DPP6: variants seen among roughly 807,000 people sequenced by gnomAD.
The protein encoded by DPP6 is dipeptidyl peptidase like 6, also known as A-type potassium channel modulatory protein DPP6.
In DPP6, 69 loss-of-function variants were observed where a neutral mutation model predicts 122.6. That is an observed-to-expected ratio of 0.56 (90% CI 0.46 to 0.69). The LOEUF (loss-of-function observed/expected upper bound fraction) is 0.69, where lower values mean the gene tolerates loss of function less well. Ranked by LOEUF, DPP6 falls within the 30% of genes least tolerant of loss-of-function variation. The pLI is 0.00. For synonymous variants in DPP6, 418 were observed against 433.1 expected (o/e 0.97, Z 0.43); for missense variants, 928 against 1,116.9 (o/e 0.83, Z 2.41).
chr7:154,019,373 C>A (rs1425203887), intron 1 of DPP6, among the ~76,000 whole-genome samples: 2 of 150,712 alleles, frequency 1.3e-5, no homozygotes, highest in African/African-American at 5.0e-5. Flanking sequence ...TCTCTCTTCT[C>A]TTTCTATTTC....
chr7:154,021,352 T>C (rs1017489673), intron 1 of DPP6, among the ~76,000 whole-genome samples: 5 of 152,100 alleles, frequency 3.3e-5, no homozygotes, highest in Non-Finnish European at 5.9e-5. Flanking sequence ...TGCAGCCATA[T>C]GTAAGTTTCC....
At chr7:154,648,548 G>T (rs1489111507) in intron 6 of DPP6, among the ~76,000 whole-genome samples, 1 of 152,142 alleles carries the variant, frequency 6.6e-6, no homozygotes, top group Non-Finnish European at 1.5e-5. Context: ...TCTGGATAGT[G>T]GTGGGAAGAG....
chr7:154,104,590 ATT>A (rs1456581397), intron 1 of DPP6, among the ~76,000 whole-genome samples: 1 of 152,238 alleles, frequency 6.6e-6, no homozygotes, highest in Non-Finnish European at 1.5e-5. Flanking sequence ...GACATGTGGT[ATT>A]TTCTCAGGGA....
At chr7:153,903,990 T>C (rs912042759) in intron 1 of DPP6, among the ~76,000 whole-genome samples, 4 of 152,200 alleles carry the variant, frequency 2.6e-5, no homozygotes, top group Non-Finnish European at 5.9e-5. Context: ...CTCTGTTGCC[T>C]AAGCAAAGGA....
At chr7:154,184,079 A>C (rs1435759783) in intron 1 of DPP6, among the ~76,000 whole-genome samples, 1 of 152,138 alleles carries the variant, frequency 6.6e-6, no homozygotes, top group Non-Finnish European at 1.5e-5. Flanking sequence ...AAACATGGAT[A>C]GGAAGCCCTG....
At chr7:154,544,684 G>T (rs187253068) in intron 4 of DPP6, among the ~76,000 whole-genome samples, 1 of 152,294 alleles carries the variant, frequency 6.6e-6, no homozygotes, top group African/African-American at 2.4e-5. Flanking sequence ...GACCCCAGCC[G>T]GTTGTGCAAG....
At chr7:154,052,104 G>A (rs529857610), upstream of DPP6, among the ~76,000 whole-genome samples, 225 of 108,520 alleles carry the variant, frequency 2.1e-3, 2 homozygotes, top group African/African-American at 6.4e-3. This position sits in a 1 kb window ranked among gnomAD's most constrained non-coding sequence, Gnocchi z 4.8. Context: ...CCGTCCGCTC[G>A]CGTGCTGCGG....
Position 154,060,380 on chromosome 7 carries a change from C to G in DPP6, c.243+7317C>G, listed in dbSNP as rs1444924811. ...GGACTGAGAGCCAGCCCCTGGTTCC[C>G]CCACTGGCTCTTAGGACCCCCATCG... On this transcript the variant is annotated intron_variant, in intron 1 of 25. Coordinates refer to ENST00000377770, the MANE Select transcript of DPP6 (RefSeq NM_130797.4). Among the ~76,000 whole-genome samples, 5 of 129,280 alleles carry G rather than the reference C, an allele frequency of 3.9e-5. 1 individual carries two copies. The highest frequency in any genetic ancestry group is 2.2e-4 in the East Asian group (1 of 4,480). The allele number at this position is 129,280 out of a possible 152,430, so 84.8% of individuals were successfully genotyped here. A position where few individuals can be genotyped will look rare whatever the true frequency, so the allele number is the denominator to read the frequency against.
chr7:154,007,836 G>A (rs966959620), intron 1 of DPP6, among the ~76,000 whole-genome samples: 3 of 152,042 alleles, frequency 2.0e-5, no homozygotes, highest in African/African-American at 7.3e-5. Context: ...CACACCTCGG[G>A]ATCCTTCACA....
At chr7:153,983,325 C>T (rs1164876926) in intron 1 of DPP6, among the ~76,000 whole-genome samples, 1 of 152,220 alleles carries the variant, frequency 6.6e-6, no homozygotes, top group African/African-American at 2.4e-5. Flanking sequence ...TCTGAGCTTC[C>T]CTGTGGCTTT....
intron 5 of DPP6, among the ~76,000 whole-genome samples, chr7:154,577,217 C>G (rs1411861317): frequency 6.6e-6 from 1 of 151,948 alleles, no homozygotes; most frequent in African/African-American, 2.4e-5. Context: ...AGGAAAGATT[C>G]GGGGAGGGTC....
At position 154,483,742 on chromosome 7, in the gene DPP6, T is replaced by G. The variant is rs1011477252; in HGVS notation, c.457+8705T>G. Among the ~76,000 whole-genome samples the G allele has an allele frequency of 6.6e-6, 1 of 152,270 alleles. No individual in the cohort carries two copies. Among genetic ancestry groups the G allele is most frequent in the African/African-American group, 2.4e-5 (1 of 41,476 alleles). ...CGGAGTCTCGCTCTGTCGCCCAGGC[T>G]GGAGTGCAGTGGCACAATCTTGGCT... On this transcript the variant is annotated intron_variant, in intron 3 of 25. Transcript: ENST00000377770. The surrounding 1 kb of genome is among the most constrained non-coding windows in gnomAD (Gnocchi z 8.1).
At chr7:154,153,313 G>A (rs1021359468) in intron 1 of DPP6, among the ~76,000 whole-genome samples, 24 of 152,144 alleles carry the variant, frequency 1.6e-4, no homozygotes, top group African/African-American at 5.3e-4. Context: ...AGCCTCCTAA[G>A]TAGCAGGGAT....
chr7:153,917,291 T>C (rs1800368505), intron 1 of DPP6, among the ~76,000 whole-genome samples: 2 of 152,222 alleles, frequency 1.3e-5, no homozygotes, highest in Admixed American at 1.3e-4. Flanking sequence ...CTTGTGGGAA[T>C]ATATTCTGGG....
chr7:154,018,128 T>C (rs1798518175), intron 1 of DPP6, among the ~76,000 whole-genome samples: 1 of 151,960 alleles, frequency 6.6e-6, no homozygotes, highest in South Asian at 2.1e-4. Context: ...CCCCCACTCC[T>C]ATATCCATCA....
chr7:154,449,063 G>A (rs1820131267), intron 2 of DPP6, among the ~76,000 whole-genome samples: 1 of 152,128 alleles, frequency 6.6e-6, no homozygotes, highest in Non-Finnish European at 1.5e-5. Context: ...ATAAAAAATA[G>A]ATAAATTGGA....
intron 1 of DPP6, among the ~76,000 whole-genome samples, chr7:154,200,981 A>G (rs1254511127): frequency 6.6e-6 from 1 of 152,188 alleles, no homozygotes; most frequent in East Asian, 1.9e-4. Context: ...CATCAAAATG[A>G]CATCCCTTTG....
the DPP6 span, among the ~76,000 whole-genome samples, chr7:153,827,374 C>T: frequency 6.6e-6 from 1 of 152,142 alleles, no homozygotes; most frequent in Non-Finnish European, 1.5e-5. Flanking sequence ...TTCTCCATTC[C>T]TCCCACTAAG....
intron 5 of DPP6, among the ~76,000 whole-genome samples, chr7:154,596,366 C>T (rs1833091002): frequency 6.6e-6 from 1 of 152,210 alleles, no homozygotes. Flanking sequence ...AGGCACGACT[C>T]GCAAGTGCCA....
Sources: gnomAD v4.1 joint callset for allele counts (sites outside exome capture counted in the v4.1 genomes callset) on GRCh38, gnomAD v4.1.1 for gene constraint, Gnocchi (gnomAD v3.1) non-coding constraint, MANE v1.5 for transcripts, NCBI Gene and HGNC (gene_info 2026-07-23, HGNC 2026-07-21) for gene names.